BRCA1: variants seen among roughly 807,000 people sequenced by gnomAD.
The protein encoded by BRCA1 is breast cancer type 1 susceptibility protein.
BRCA1 carries 140 observed loss-of-function variants against 173.7 expected under a neutral mutation model. That is an observed-to-expected ratio of 0.81 (90% confidence interval 0.70 to 0.93). BRCA1 has a LOEUF of 0.93. Among genes scored for constraint, BRCA1 ranks in the 40% least tolerant of loss-of-function variants. BRCA1 has a pLI of 0.00. For missense variants in BRCA1, 1,983 were observed against 2,172.5 expected (o/e 0.91, Z 1.73); for synonymous variants, 662 against 756.0 (o/e 0.88, Z 2.04).
intron 1 of BRCA1, among the ~76,000 whole-genome samples, chr17:43,135,039 T>C (rs2154581372): frequency 6.6e-6 from 1 of 152,362 alleles, no homozygotes; most frequent in South Asian, 2.1e-4. Context: ...GGTTTCGTTG[T>C]GGGTGGAGGG....
At chr17:43,170,214 CAGTTTTAATTT>C in exon 1 of BRCA1, 1 of 190,334 alleles carries the variant, frequency 5.3e-6, no homozygotes, top group South Asian at 7.9e-5. Flanking sequence ...AGGGGTTCCA[CAGTTTTAATTT>C]ATCTGTAATT....
chr17:43,142,432 C>T (rs2056081964), intron 1 of BRCA1: 1 of 152,238 alleles, frequency 6.6e-6, no homozygotes, highest in African/African-American at 2.4e-5. Flanking sequence ...TGGCTTATCC[C>T]CCTTTATCTC....
At chr17:43,162,116 C>T (rs1489820742) in intron 1 of BRCA1, 3 of 152,160 alleles carry the variant, frequency 2.0e-5, no homozygotes, top group Non-Finnish European at 2.9e-5. Flanking sequence ...TAAGGGGTTA[C>T]ATTGTCCCTT....
chr17:43,045,920 T>A, intron 22 of BRCA1, 118 bp from the exon 23 acceptor site: 2 of 1,236,194 alleles, frequency 1.6e-6, no homozygotes, highest in Non-Finnish European at 2.2e-6. Flanking sequence ...AGGTAGAAGC[T>A]AATTTTTTTT....
intron 18 of BRCA1, among the ~76,000 whole-genome samples, chr17:43,057,510 C>T (rs775435619): frequency 2.0e-5 from 3 of 147,910 alleles, no homozygotes; most frequent in Non-Finnish European, 4.5e-5. Flanking sequence ...GACTCCATCT[C>T]GCATCTCAAA....
At chr17:43,150,125 T>C (rs991908471) in intron 1 of BRCA1, among the ~76,000 whole-genome samples, 1 of 152,058 alleles carries the variant, frequency 6.6e-6, no homozygotes, top group African/African-American at 2.4e-5. Flanking sequence ...TATTTATTTA[T>C]TTGAGACCGG....
intron 2 of BRCA1, among the ~76,000 whole-genome samples, chr17:43,116,635 C>T (rs2055308407): frequency 6.6e-6 from 1 of 152,222 alleles, no homozygotes; most frequent in Admixed American, 6.5e-5. Context: ...TCTCCTGCCT[C>T]AGCCTCCCAG....
At chr17:43,141,662 A>C (rs1443739958) in intron 1 of BRCA1, among the ~76,000 whole-genome samples, 1 of 150,826 alleles carries the variant, frequency 6.6e-6, no homozygotes, top group African/African-American at 2.4e-5. Context: ...AAAACAAAAA[A>C]TTAGCCAGGT....
At chr17:43,144,556 C>G (rs1232596929) in intron 1 of BRCA1, among the ~76,000 whole-genome samples, 3 of 152,144 alleles carry the variant, frequency 2.0e-5, no homozygotes, top group African/African-American at 7.2e-5. Flanking sequence ...GAAAGATGGC[C>G]CTGTGCTTCC....
intron 12 of BRCA1, among the ~76,000 whole-genome samples, chr17:43,077,094 G>A (rs745877543): frequency 7.9e-5 from 12 of 151,898 alleles, no homozygotes; most frequent in Non-Finnish European, 1.5e-4. Flanking sequence ...TGCATGTCGG[G>A]GGTAAACAAG....
At chr17:43,140,013 T>A (rs1346817192) in intron 1 of BRCA1, 1 of 445,274 alleles carries the variant, frequency 2.2e-6, no homozygotes, top group Non-Finnish European at 4.6e-6. Flanking sequence ...CTTGGTGGGC[T>A]CCTTATTTGG....
intron 1 of BRCA1, chr17:43,140,365 A>G (rs1304038435): frequency 6.2e-6 from 1 of 160,708 alleles, no homozygotes; most frequent in Non-Finnish European, 1.4e-5. Context: ...GTTCTAGCAA[A>G]TGGTCAAACC....
chr17:43,125,867 A>C (rs2055857841), upstream of BRCA1: 1 of 154,768 alleles, frequency 6.5e-6, no homozygotes, highest in Admixed American at 6.4e-5. Context: ...AGTGTTCCTT[A>C]GAAACTGTAG....
In BRCA1 at chr17:43,063,931, G is replaced by A. The variant is rs55770810; in HGVS notation, c.5095C>T (p.Arg1699Trp). ...ATTCCTAGAAAATATTTCAGTGTCC[G>A]TTCACACACAAACTCAGCATCTGCA... The part of the protein sequence containing the change: ...MKTDAEFVCE[R>W]TLKYFLGIAG... Residue 1699 changes from arginine to tryptophan, a missense_variant, in exon 17 of 23, where the codon CGG becomes TGG. Arg to Trp is a moderately radical substitution (Grantham distance 101). Transcript: ENST00000357654. The A allele has an allele frequency of 8.1e-6, 13 of 1,613,828 alleles. No individual in the cohort carries two copies. Among genetic ancestry groups the A allele is most frequent in the Middle Eastern group, 1.6e-4 (1 of 6,084 alleles).
chr17:43,064,816 A>G (rs2051983183), intron 16 of BRCA1, among the ~76,000 whole-genome samples: 1 of 145,492 alleles, frequency 6.9e-6, no homozygotes, highest in South Asian at 2.1e-4. Context: ...ACTACTTTAG[A>G]TTTGATTTGC....
chr17:43,112,089 C>T (rs952057058), intron 3 of BRCA1, among the ~76,000 whole-genome samples: 2 of 151,582 alleles, frequency 1.3e-5, no homozygotes, highest in African/African-American at 4.8e-5. Flanking sequence ...GGGCATTATA[C>T]TGGACTTTTT....
At chr17:43,124,556 C>T (rs1961683553) in intron 1 of BRCA1, among the ~76,000 whole-genome samples, 1 of 152,136 alleles carries the variant, frequency 6.6e-6, no homozygotes, top group African/African-American at 2.4e-5. Flanking sequence ...CCTCCTCAAG[C>T]ACATCCCTGC....
chr17:43,157,976 CAA>C (rs1340155079), intron 1 of BRCA1, among the ~76,000 whole-genome samples: 1 of 116,690 alleles, frequency 8.6e-6, no homozygotes, highest in Non-Finnish European at 1.7e-5. Context: ...GCCTGGGCAA[CAA>C]GAGCGAAACT....
intron 6 of BRCA1, among the ~76,000 whole-genome samples, chr17:43,101,951 G>T (rs1323551793): frequency 6.6e-6 from 1 of 151,904 alleles, no homozygotes; most frequent in Admixed American, 6.6e-5. Flanking sequence ...ACCTGCGCTG[G>T]AGTCCAGTGG....
Sources: allele counts gnomAD v4.1 joint callset (sites outside exome capture counted in the v4.1 genomes callset), GRCh38; gene constraint gnomAD v4.1.1; transcripts MANE v1.5; gene names NCBI Gene and HGNC (gene_info 2026-07-23, HGNC 2026-07-21).